Variants in NAT1 observed in about 807,000 individuals in gnomAD.
NAT1 encodes arylamine N-acetyltransferase 1.
For synonymous variants in NAT1, 144 were observed against 122.6 expected, an observed-to-expected ratio of 1.17 and a Z score of -1.16; for missense variants, 400 against 339.2, an observed-to-expected ratio of 1.18 and a Z score of -1.41.
chr8:18,178,045 C>T (rs7814365), intron 2 of NAT1, among the ~76,000 whole-genome samples: 40,107 of 151,822 alleles, frequency 0.26, 5,842 homozygotes, highest in South Asian at 0.38. Context: ...ATTAATCTAA[C>T]GTAGCTAAAA....
rs762718093 is a variant in NAT1, at chr8:18,222,076, T to C, written c.29T>C (p.Ile10Thr). ...GACATTGAAGCATATCTTGAAAGAA[T>C]TGGCTATAAGAAGTCTAGGAACAAA... is the stretch of plus-strand genomic sequence containing the variant. MDIEAYLER[I>T]GYKKSRNKLD... is the part of the protein sequence containing the mutation. The change falls in exon 3 of 3, where the codon ATT becomes ACT. Residue 10 changes from isoleucine to threonine, a missense_variant. By Grantham distance (89) the Ile-to-Thr change is moderately conservative (BLOSUM62 -1). Coordinates refer to ENST00000307719, the MANE Select transcript of NAT1 (RefSeq NM_000662.8). 12 of 1,613,602 alleles carry C rather than the reference T, an allele frequency of 7.4e-6. No individual in the cohort carries two copies. Among genetic ancestry groups the C allele is most frequent in the Middle Eastern group, 1.6e-4 (1 of 6,078 alleles).
chr8:18,176,265 G>A (rs1303755849), intron 2 of NAT1, among the ~76,000 whole-genome samples: 6 of 152,038 alleles, frequency 3.9e-5, no homozygotes, highest in Non-Finnish European at 1.5e-5. Flanking sequence ...TTGGAGTCCT[G>A]TCCAAGAAAT....
At chr8:18,204,504 T>C (rs1218482519) in intron 2 of NAT1, among the ~76,000 whole-genome samples, 1 of 152,230 alleles carries the variant, frequency 6.6e-6, no homozygotes, top group African/African-American at 2.4e-5. Flanking sequence ...AACTGAAACA[T>C]TACTTATTAA....
chr8:18,221,004 A>C (rs2117425531), intron 2 of NAT1, among the ~76,000 whole-genome samples: 1 of 152,312 alleles, frequency 6.6e-6, no homozygotes, highest in Non-Finnish European at 1.5e-5. Flanking sequence ...AACATTGCTC[A>C]ATTACAACCC....
At chr8:18,186,142 T>TA (rs201504029) in intron 2 of NAT1, among the ~76,000 whole-genome samples, 3,926 of 152,150 alleles carry the variant, frequency 0.026, 154 homozygotes, top group African/African-American at 0.088. Flanking sequence ...AGCCATGTTT[T>TA]AAAAAAAATC....
At chr8:18,192,217 C>T (rs1301423178) in intron 2 of NAT1, among the ~76,000 whole-genome samples, 1 of 152,106 alleles carries the variant, frequency 6.6e-6, no homozygotes, top group Non-Finnish European at 1.5e-5. Flanking sequence ...GACATTTATG[C>T]AGCCAACAGA....
At chr8:18,199,482 G>T (rs867215855) in intron 2 of NAT1, among the ~76,000 whole-genome samples, 11 of 152,140 alleles carry the variant, frequency 7.2e-5, no homozygotes, top group African/African-American at 2.4e-4. Context: ...TAGAGACCCT[G>T]AGACCCCTTA....
intron 2 of NAT1, among the ~76,000 whole-genome samples, chr8:18,180,223 T>C (rs536955658): frequency 6.6e-6 from 1 of 152,278 alleles, no homozygotes; most frequent in Admixed American, 6.5e-5. Context: ...GATTCTGACA[T>C]CAGGGTGGTG....
intron 2 of NAT1, among the ~76,000 whole-genome samples, chr8:18,184,010 G>C (rs1478624792): frequency 1.3e-5 from 2 of 152,096 alleles, no homozygotes; most frequent in Non-Finnish European, 2.9e-5. Flanking sequence ...GTGTATACTA[G>C]TGGCTCTATG....
chr8:18,174,542 A>G (rs1434052095), intron 2 of NAT1, among the ~76,000 whole-genome samples: 2 of 152,138 alleles, frequency 1.3e-5, no homozygotes. Context: ...ACACATACAG[A>G]AAAGTATTAC....
intron 2 of NAT1, among the ~76,000 whole-genome samples, chr8:18,175,218 A>G (rs189062701): frequency 2.0e-5 from 3 of 152,102 alleles, no homozygotes; most frequent in African/African-American, 7.2e-5. Flanking sequence ...TGGTGTGATG[A>G]GAATGTTAAA....
intron 1 of NAT1, among the ~76,000 whole-genome samples, chr8:18,216,320 A>C (rs576281846): frequency 6.6e-6 from 1 of 152,294 alleles, no homozygotes; most frequent in East Asian, 1.9e-4. Flanking sequence ...GAGTAGGTTA[A>C]ATATCCTCTC....
chr8:18,172,024 T>C (rs1408751102), intron 2 of NAT1, among the ~76,000 whole-genome samples: 1 of 152,204 alleles, frequency 6.6e-6, no homozygotes, highest in African/African-American at 2.4e-5. Context: ...TCTTCTTTTG[T>C]CTTCTAAGCA....
chr8:18,193,885 T>A (rs1169697638), intron 2 of NAT1, among the ~76,000 whole-genome samples: 1 of 151,986 alleles, frequency 6.6e-6, no homozygotes, highest in African/African-American at 2.4e-5. Flanking sequence ...AGGTGATCCA[T>A]CTGCCTCGGC....
At chr8:18,175,405 T>C (rs1314893759) in intron 2 of NAT1, among the ~76,000 whole-genome samples, 1 of 152,082 alleles carries the variant, frequency 6.6e-6, no homozygotes, top group Non-Finnish European at 1.5e-5. Context: ...AATCCCTCTA[T>C]ACTTTTTGTT....
intron 2 of NAT1, among the ~76,000 whole-genome samples, chr8:18,220,875 T>C (rs1463706502): frequency 6.6e-6 from 1 of 152,208 alleles, no homozygotes; most frequent in Non-Finnish European, 1.5e-5. Context: ...AGCCAAGCAC[T>C]GGTCCTAGAG....
chr8:18,179,120 C>T (rs1018364640), intron 2 of NAT1, among the ~76,000 whole-genome samples: 1 of 152,084 alleles, frequency 6.6e-6, no homozygotes, highest in South Asian at 2.1e-4. Flanking sequence ...GTTCTTACAT[C>T]TCTCCATCTA....
At chr8:18,182,524 A>G (rs968267434) in intron 2 of NAT1, among the ~76,000 whole-genome samples, 1 of 152,184 alleles carries the variant, frequency 6.6e-6, no homozygotes, top group Non-Finnish European at 1.5e-5. Flanking sequence ...CTTCGTTTTT[A>G]AAAAGAAACT....
intron 2 of NAT1, among the ~76,000 whole-genome samples, chr8:18,193,396 G>T (rs1803095789): frequency 1.3e-5 from 2 of 148,904 alleles, no homozygotes; most frequent in African/African-American, 2.5e-5. Context: ...GGCAGGGGTT[G>T]CAGTGAGCTG....
Sources: allele counts gnomAD v4.1 joint callset (sites outside exome capture counted in the v4.1 genomes callset), GRCh38; gene constraint gnomAD v4.1.1; transcripts MANE v1.5; gene names NCBI Gene and HGNC (gene_info 2026-07-23, HGNC 2026-07-21).